Variants in GTF3C2 observed in about 807,000 individuals in gnomAD.
The protein encoded by GTF3C2 is general transcription factor IIIC subunit 2.
Under a neutral mutation model 117.4 loss-of-function variants are expected in GTF3C2, and 17 were observed. That is an observed-to-expected ratio of 0.14 (90% CI 0.10 to 0.22). The LOEUF is 0.22. Ranked by LOEUF, GTF3C2 falls within the 10% of genes least tolerant of loss-of-function variation. The pLI is 1.00. For missense variants in GTF3C2, 888 were observed against 1,143.6 expected (o/e 0.78, Z 3.22); for synonymous variants, 437 against 427.0 (o/e 1.02, Z -0.29).
At chr2:27,341,163 G>C (rs1224810748) in intron 4 of GTF3C2, among the ~76,000 whole-genome samples, 1 of 152,076 alleles carries the variant, frequency 6.6e-6, no homozygotes, top group Non-Finnish European at 1.5e-5. Context: ...AGCCTCCCAA[G>C]TAGCTGGGAC....
intron 1 of GTF3C2, 51 bp downstream of exon 1, chr2:27,356,681 AGAAGGGG>A (rs1681401925): frequency 6.5e-6 from 1 of 153,242 alleles, no homozygotes; most frequent in Non-Finnish European, 1.5e-5. Flanking sequence ...CTATGGCAAA[AGAAGGGG>A]GAGGAGTAAT....
At chr2:27,351,961 C>G (rs1160012977) in intron 1 of GTF3C2, among the ~76,000 whole-genome samples, 1 of 152,198 alleles carries the variant, frequency 6.6e-6, no homozygotes, top group Non-Finnish European at 1.5e-5. Flanking sequence ...TTCTCTGAAC[C>G]TTGTCATCAC....
chr2:27,330,686 C>G (rs1396483561), intron 12 of GTF3C2, among the ~76,000 whole-genome samples: 1 of 151,864 alleles, frequency 6.6e-6, no homozygotes, highest in Non-Finnish European at 1.5e-5. Context: ...AAAGGCCAGG[C>G]ACGATGGCTC....
chr2:27,327,487 G>A (rs1377864678), intron 17 of GTF3C2, among the ~76,000 whole-genome samples: 2 of 151,972 alleles, frequency 1.3e-5, no homozygotes, highest in African/African-American at 4.8e-5. Context: ...GTCACGCCCG[G>A]CAGATTTTTT....
intron 1 of GTF3C2, among the ~76,000 whole-genome samples, chr2:27,353,810 C>A (rs1359747804): frequency 6.6e-6 from 1 of 152,150 alleles, no homozygotes; most frequent in Non-Finnish European, 1.5e-5. Context: ...GCACCTTGAC[C>A]TCCTGGGCCC....
chr2:27,353,603 T>G (rs1034483476), intron 1 of GTF3C2, among the ~76,000 whole-genome samples: 8 of 152,136 alleles, frequency 5.3e-5, no homozygotes. Context: ...CATGCCCAGC[T>G]AAGTTTTGTA....
exon 10 of GTF3C2, chr2:27,335,689 C>G (rs1430614617): frequency 6.4e-7 from 1 of 1,560,686 alleles, no homozygotes; most frequent in African/African-American, 1.4e-5. Flanking sequence ...AGAGACCCAA[C>G]CGGGGCAGGA....
chr2:27,336,365 C>T (rs150314582), exon 8 of GTF3C2: 88 of 1,612,694 alleles, frequency 5.5e-5, no homozygotes, highest in African/African-American at 1.6e-4. Flanking sequence ...GAGCCCAGAG[C>T]GGTCCCCCCG....
In GTF3C2 at chr2:27,326,655, G is replaced by C. The variant is rs764268008; in HGVS notation, c.*20C>G. Reference sequence around the variant, plus strand: ...TTGTTCTTGACCGACTTCACTCCAAGGATCTGGTGTGGGCCAAGGCTAGGG... The same window carrying C: ...TTGTTCTTGACCGACTTCACTCCAACGATCTGGTGTGGGCCAAGGCTAGGG... On this transcript the variant is annotated 3_prime_UTR_variant, in exon 19 of 19. Coordinates refer to ENST00000264720, the Ensembl canonical transcript of GTF3C2. The C allele has an allele frequency of 4.1e-5, 65 of 1,584,070 alleles. No individual in the cohort carries two copies. The Admixed American group carries it at 4.5e-4, about 11-fold the overall frequency.
At chr2:27,333,837 A>T (rs947840423) in intron 11 of GTF3C2, 53 bp from the exon 12 acceptor site, 3 of 1,572,474 alleles carry the variant, frequency 1.9e-6, no homozygotes, top group Non-Finnish European at 2.6e-6. Flanking sequence ...CACTGTTTGG[A>T]ACGAAAGCTC....
At chr2:27,353,100 G>A (rs1006615945) in intron 1 of GTF3C2, among the ~76,000 whole-genome samples, 1 of 152,016 alleles carries the variant, frequency 6.6e-6, no homozygotes, top group Non-Finnish European at 1.5e-5. Context: ...ATACTATAAA[G>A]ATAGCAACAA....
At chr2:27,330,016 G>A (rs1441335220) in intron 12 of GTF3C2, among the ~76,000 whole-genome samples, 1 of 151,536 alleles carries the variant, frequency 6.6e-6, no homozygotes, top group Non-Finnish European at 1.5e-5. Flanking sequence ...TGTGGTGGTG[G>A]GTGTCTGTAA....
At position 27,329,486 on chromosome 2, in the gene GTF3C2, G is replaced by A. The variant is rs1400183153; in HGVS notation, c.1770C>T (p.Pro590=). ...CATCAGAGAGCCGTATCCGCTGCAG[G>A]GGTGAGTTAGTGGGAAGGTTCCAGA... The change falls in exon 13 of 19, where the codon CCC becomes CCT. Residue 590 remains proline, a synonymous_variant. Coordinates refer to ENST00000264720, the Ensembl canonical transcript of GTF3C2. This position sits in a 1 kb window ranked among gnomAD's most constrained non-coding sequence, Gnocchi z 4.5. 1.9e-6 allele frequency: 3 copies of A among 1,614,070 alleles called. No homozygotes were observed. The highest frequency in any genetic ancestry group is 2.5e-6 in the Non-Finnish European group (3 of 1,179,952).
chr2:27,354,547 G>C (rs891213402), intron 1 of GTF3C2, among the ~76,000 whole-genome samples: 3 of 152,126 alleles, frequency 2.0e-5, no homozygotes, highest in East Asian at 3.9e-4. Flanking sequence ...GATCACTTGA[G>C]GTCAGGAGAC....
exon 19 of GTF3C2, chr2:27,326,529 A>G (rs1269255151): frequency 1.6e-6 from 1 of 640,008 alleles, no homozygotes; most frequent in Non-Finnish European, 2.8e-6. Flanking sequence ...AAAGAGTGGG[A>G]TCTAAGGAGT....
intron 11 of GTF3C2, 88 bp from the exon 12 acceptor site, chr2:27,333,872 T>C: frequency 6.8e-7 from 1 of 1,472,022 alleles, no homozygotes; most frequent in Admixed American, 1.7e-5. Context: ...TCCAGCAGGA[T>C]GAGGGTATTT....
exon 16 of GTF3C2, chr2:27,328,535 A>G: frequency 6.2e-7 from 1 of 1,610,818 alleles, no homozygotes; most frequent in Non-Finnish European, 8.5e-7. Context: ...TATAGCAGCA[A>G]TGAGCTCCCC....
At position 27,329,808 on chromosome 2, in the gene GTF3C2, C is replaced by A. The variant is rs148146275; in HGVS notation, c.1733-285G>T. The stretch of plus-strand genomic sequence containing the variant: ...CACCTAGTGCAGAGAGTAGAATGCA[C>A]CTCTCTCTACTCCCTATAAATAAAC... On this transcript the variant is annotated intron_variant, in intron 12 of 18. Transcript: ENST00000264720. This position sits in a 1 kb window ranked among gnomAD's most constrained non-coding sequence, Gnocchi z 4.5. Among the ~76,000 whole-genome samples the A allele has an allele frequency of 6.6e-6, 1 of 152,108 alleles. No homozygotes were observed. The highest frequency in any genetic ancestry group is 1.5e-5 in the Non-Finnish European group (1 of 68,022).
rs1680087097 is a variant in GTF3C2 at position 27,326,733 on chromosome 2, G to A, written c.2678C>T (p.Ser893Phe). ...AGAGAAGCCAGGCCGTCTAGTGGGG[G>A]AGGATGGTTGGAACATAGCATTGAA... Residue 893 changes from serine (S) to phenylalanine (F), a missense_variant, in exon 19 of 19, where the codon TCC becomes TTC. Ser to Phe is a radical substitution (Grantham distance 155). Transcript: ENST00000264720. 7 of 1,614,134 alleles carry A rather than the reference G, an allele frequency of 4.3e-6. No homozygotes were observed. The South Asian group carries it at 5.5e-5, about 13-fold the overall frequency.
Sources: gnomAD v4.1 joint callset for allele counts (sites outside exome capture counted in the v4.1 genomes callset) on GRCh38, gnomAD v4.1.1 for gene constraint, Gnocchi (gnomAD v3.1) non-coding constraint, MANE v1.5 for transcripts, NCBI Gene and HGNC (gene_info 2026-07-23, HGNC 2026-07-21) for gene names.